The following VPS13A variants were observed in gnomAD, a reference collection of about 807,000 sequenced individuals.
The protein encoded by VPS13A is intermembrane lipid transfer protein VPS13A.
In VPS13A, 264 loss-of-function variants were observed where a neutral mutation model predicts 390.9. The ratio of observed to expected loss-of-function variants is 0.68; its 90% CI spans 0.61 to 0.75. VPS13A has a LOEUF of 0.75. Among genes scored for constraint, VPS13A ranks in the 30% least tolerant of loss-of-function variants. The pLI is 0.00. For missense variants in VPS13A, 3,409 were observed against 3,733.9 expected (o/e 0.91, Z 2.27); for synonymous variants, 1,231 against 1,227.1 (o/e 1.00, Z -0.07).
At chr9:77,409,453 G>A (rs1295196523) in intron 71 of VPS13A, among the ~76,000 whole-genome samples, 1 of 152,210 alleles carries the variant, frequency 6.6e-6, no homozygotes, top group Non-Finnish European at 1.5e-5. Flanking sequence ...GATGGAGAAT[G>A]ACTTTGACAA....
intron 60 of VPS13A, 142 bp from the exon 61 acceptor site, chr9:77,366,585 A>G: frequency 1.4e-6 from 1 of 691,982 alleles, no homozygotes; most frequent in East Asian, 2.8e-5. Flanking sequence ...TCATATTTCT[A>G]CTTAGTGATT....
At position 77,360,582 on chromosome 9, in the gene VPS13A, G is replaced by T; in HGVS notation, c.8152G>T (p.Gly2718Trp). The change falls in exon 59 of 72, where the codon GGG becomes TGG. Residue 2718 changes from glycine to tryptophan, a missense_variant. Gly to Trp is a radical substitution (Grantham distance 184). Transcript: ENST00000360280. ...IQEMDLRLDL[G>W]FIYALTDLMT... is the part of the protein sequence containing the mutation. Reference sequence around the variant, plus strand: ...AGAAATGGATCTCAGGTTAGATCTTGGGTTTATCTATGCTTTAACAGACCT... The same window carrying T: ...AGAAATGGATCTCAGGTTAGATCTTTGGTTTATCTATGCTTTAACAGACCT... 6.2e-7 allele frequency: 1 copy of T among 1,613,038 alleles called. No individual in the cohort carries two copies. Among genetic ancestry groups the T allele is most frequent in the Non-Finnish European group, 8.5e-7 (1 of 1,179,440 alleles).
In VPS13A at chr9:77,401,568, G is replaced by A. The variant is rs1270150435; in HGVS notation, c.9190-1668G>A. Among the ~76,000 whole-genome samples, 7 of 152,046 alleles carry A rather than the reference G, an allele frequency of 4.6e-5. No individual in the cohort carries two copies. The South Asian group carries it at 8.3e-4, about 18-fold the overall frequency. On this transcript the variant is annotated intron_variant, in intron 68 of 71. Coordinates refer to ENST00000360280, the MANE Select transcript of VPS13A (RefSeq NM_033305.3). ...ATCTTTTTATTACCCTTGTAAACGG[G>A]ATTTCTTTCTCTTCCATTTCCAAAT... is the stretch of plus-strand genomic sequence containing the variant.
Position 77,214,494 on chromosome 9 carries a change from T to C in VPS13A, c.754+108T>C. On this transcript the variant is annotated intron_variant, in intron 10 of 71. Transcript: ENST00000360280. ...AGTTCCTGTTAAATTTCCTTCTATA[T>C]AGTTAAATGTATTTATAATGTATAT... 3 of 790,608 alleles carry C rather than the reference T, an allele frequency of 3.8e-6. No homozygotes were observed. The Admixed American group carries it at 7.0e-5, about 18-fold the overall frequency. The allele number at this position is 790,608 out of a possible 1,614,324, so 49.0% of individuals were successfully genotyped here. A position where few individuals can be genotyped will look rare whatever the true frequency, so the allele number is the denominator to read the frequency against.
rs1490763449 is a variant in VPS13A at position 77,370,912 on chromosome 9, G to A, written c.8930G>A (p.Gly2977Glu). 6.2e-7 allele frequency: 1 copy of A among 1,613,462 alleles called. No individual in the cohort carries two copies. The highest frequency in any genetic ancestry group is 1.1e-5 in the South Asian group (1 of 91,046). The change falls in exon 66 of 72, where the codon GGA (glycine) becomes GAA (glutamate). Residue 2977 changes from glycine (G) to glutamate (E), a missense_variant. This residue lies in a region of VPS13A where 318 missense variants were observed against 333.7 expected (regional missense o/e 0.95). Coordinates refer to ENST00000360280, the MANE Select transcript of VPS13A (RefSeq NM_033305.3). ...TAGGGATTTGTTAGTGGCATAACAGGAATTGTTACAAAACCAATCAAAGGC... is the reference window on the plus strand; with the variant it reads ...TAGGGATTTGTTAGTGGCATAACAGAAATTGTTACAAAACCAATCAAAGGC... ...LVSGFVSGIT[G>E]IVTKPIKGAQ...
chr9:77,302,368 C>CTTTTTT (rs58598132), intron 33 of VPS13A, among the ~76,000 whole-genome samples: 2 of 117,812 alleles, frequency 1.7e-5, no homozygotes, highest in African/African-American at 3.5e-5. Flanking sequence ...TATTTTTCCC[C>CTTTTTT]TTTTTTTTTT....
At chr9:77,210,100 A>T (rs1825882727) in intron 6 of VPS13A, among the ~76,000 whole-genome samples, 1 of 151,832 alleles carries the variant, frequency 6.6e-6, no homozygotes, top group Admixed American at 6.6e-5. Flanking sequence ...ATGTTTCTGA[A>T]TGTTTGAAAT....
chr9:77,274,029 A>G (rs1355022206), intron 24 of VPS13A, among the ~76,000 whole-genome samples: 1 of 152,214 alleles, frequency 6.6e-6, no homozygotes, highest in Non-Finnish European at 1.5e-5. Flanking sequence ...GCAATAGCAG[A>G]TATTTGTATA....
chr9:77,407,533 G>T lies in VPS13A; in HGVS notation c.9400G>T (p.Glu3134Ter). ...ATGAATTTACATATTCTGTTTATAG[G>T]AACGAGTGAAGTCTGTATTTCATGC... ...HGRRLRIEAK[E>*]RVKSVFHARE... is the part of the protein sequence containing the mutation. Residue 3134 changes from glutamate to a stop codon, truncating the protein, a stop_gained and splice_region_variant, in exon 71 of 72, where the codon GAA becomes TAA. Transcript: ENST00000360280. LOFTEE classifies it high-confidence loss of function. The T allele has an allele frequency of 6.2e-7, 1 of 1,610,974 alleles. No individual in the cohort carries two copies. The highest frequency in any genetic ancestry group is 1.1e-5 in the South Asian group (1 of 90,964).
chr9:77,391,950 A>C (rs981632596), intron 68 of VPS13A, among the ~76,000 whole-genome samples: 9 of 152,238 alleles, frequency 5.9e-5, no homozygotes, highest in African/African-American at 2.2e-4. Context: ...GTAGAGTTAC[A>C]GCCCTGAAGA....
intron 57 of VPS13A, among the ~76,000 whole-genome samples, chr9:77,359,066 T>G (rs1013604739): frequency 1.3e-5 from 2 of 152,198 alleles, no homozygotes; most frequent in Non-Finnish European, 2.9e-5. Flanking sequence ...AGAATCTGTT[T>G]TCACAAAGTT....
chr9:77,197,549 T>G (rs972550630), intron 1 of VPS13A, among the ~76,000 whole-genome samples: 10 of 152,222 alleles, frequency 6.6e-5, no homozygotes, highest in African/African-American at 2.2e-4. Flanking sequence ...TGACTTAAAG[T>G]TTATATGTCT....
chr9:77,349,677 T>G (rs1831349998), intron 52 of VPS13A, among the ~76,000 whole-genome samples: 1 of 152,182 alleles, frequency 6.6e-6, no homozygotes, highest in Non-Finnish European at 1.5e-5. Context: ...GGAATTTTGT[T>G]GTTTTGCCCA....
chr9:77,287,178 CTAAT>C (rs892327048), intron 31 of VPS13A, among the ~76,000 whole-genome samples: 18 of 147,538 alleles, frequency 1.2e-4, no homozygotes, highest in African/African-American at 3.2e-4. Flanking sequence ...TAAGAAAAAA[CTAAT>C]TATATATATT....
chr9:77,329,482 G>A (rs184941783), intron 45 of VPS13A, among the ~76,000 whole-genome samples: 3 of 152,284 alleles, frequency 2.0e-5, no homozygotes, highest in Non-Finnish European at 2.9e-5. Context: ...CCTAATTTCA[G>A]TATTGTTGTG....
chr9:77,206,019 G>T lies in VPS13A; in HGVS notation c.325G>T (p.Glu109Ter). Residue 109 changes from glutamate (E) to a stop codon, truncating the protein, a stop_gained, in exon 5 of 72, where the codon GAA becomes TAA. Transcript: ENST00000360280. LOFTEE classifies it high-confidence loss of function. ...DPLKEEKQLM[E>*]AKQQELKRIE... ...TTTAAAAGAAGAGAAACAACTCATG[G>T]AAGCAAAGCAACAGGAACTGAAAAG... 6.3e-7 allele frequency: 1 copy of T among 1,583,706 alleles called. No individual in the cohort carries two copies. Among genetic ancestry groups the T allele is most frequent in the Non-Finnish European group, 8.6e-7 (1 of 1,163,076 alleles).
Position 77,407,564 on chromosome 9 carries a change from A to AGTT in VPS13A, c.9432_9434dup (p.Glu3144_Phe3145insLeu). The stretch of plus-strand genomic sequence containing the variant: ...GTGAAGTCTGTATTTCATGCCAGAG[A>AGTT]GTTTGGAAAAATAATTAACTTCAAG... On this transcript the variant is annotated inframe_insertion, in exon 71 of 72. Coordinates refer to ENST00000360280, the MANE Select transcript of VPS13A (RefSeq NM_033305.3). The AGTT allele has an allele frequency of 6.2e-7, 1 of 1,613,134 alleles. No individual in the cohort carries two copies. The highest frequency in any genetic ancestry group is 2.2e-5 in the East Asian group (1 of 44,776).
intron 68 of VPS13A, among the ~76,000 whole-genome samples, chr9:77,385,727 A>G (rs751617471): frequency 6.6e-6 from 1 of 152,106 alleles, no homozygotes; most frequent in Non-Finnish European, 1.5e-5. Flanking sequence ...TGGATCAACA[A>G]AGGAATATTT....
chr9:77,247,163 C>T, intron 19 of VPS13A, 96 bp from the exon 20 acceptor site: 1 of 1,065,766 alleles, frequency 9.4e-7, no homozygotes, highest in Non-Finnish European at 1.3e-6. Context: ...ACTAATTTTA[C>T]ATTAAGATTG....
Sources: gnomAD v4.1 joint callset for allele counts (sites outside exome capture counted in the v4.1 genomes callset) on GRCh38, gnomAD v4.1.1 for gene constraint, gnomAD v4.1.1 regional missense constraint, MANE v1.5 for transcripts, NCBI Gene and HGNC (gene_info 2026-07-23, HGNC 2026-07-21) for gene names.